Variants in FHAD1 observed in about 807,000 individuals in gnomAD.
The protein encoded by FHAD1 is forkhead-associated domain-containing protein 1.
A neutral mutation model predicts 191.3 loss-of-function variants in FHAD1; 146 were observed. The ratio of observed to expected loss-of-function variants is 0.76; its 90% CI spans 0.67 to 0.88. FHAD1 has a LOEUF of 0.88. FHAD1 is among the 40% of genes least tolerant of loss of function. The pLI is 0.00. For missense variants in FHAD1, 1,635 were observed against 1,785.8 expected (o/e 0.92, Z 1.52); for synonymous variants, 616 against 672.3 (o/e 0.92, Z 1.29).
intron 8 of FHAD1, among the ~76,000 whole-genome samples, chr1:15,314,287 A>C (rs1293088560): frequency 6.6e-6 from 1 of 152,110 alleles, no homozygotes; most frequent in Non-Finnish European, 1.5e-5. Flanking sequence ...TGGGGGTCCA[A>C]GGATGAAGCA....
In FHAD1 at chr1:15,324,439, A is replaced by C; in HGVS notation, c.1366-13A>C. On this transcript the variant is annotated splice_polypyrimidine_tract_variant and intron_variant, in intron 10 of 33. Transcript: ENST00000688493. ...ACATTAGCAGCAAGTACTCGCTTTC[A>C]TCGTCATTTCAGGTTGAAGAGAAGC... 2 of 1,541,436 alleles carry C rather than the reference A, an allele frequency of 1.3e-6. No individual in the cohort carries two copies.
chr1:15,285,102 C>G (rs1413952679), intron 3 of FHAD1, among the ~76,000 whole-genome samples: 1 of 152,174 alleles, frequency 6.6e-6, no homozygotes, highest in Admixed American at 6.5e-5. Context: ...GTTTATCCTC[C>G]TCACTGTTTC....
chr1:15,281,769 A>AAAAG (rs1660698787), intron 3 of FHAD1, among the ~76,000 whole-genome samples: 1 of 149,034 alleles, frequency 6.7e-6, no homozygotes, highest in East Asian at 1.9e-4. Flanking sequence ...TCAAAAAAAA[A>AAAAG]AAAAAAAAAA....
chr1:15,293,992 G>T (rs1434431509), intron 4 of FHAD1, among the ~76,000 whole-genome samples: 2 of 152,146 alleles, frequency 1.3e-5, no homozygotes, highest in Non-Finnish European at 2.9e-5. Context: ...TCCCACCGGG[G>T]TGTCATCTGG....
At chr1:15,263,403 CTA>C (rs1651941424) in intron 2 of FHAD1, among the ~76,000 whole-genome samples, 2 of 139,932 alleles carry the variant, frequency 1.4e-5, no homozygotes, top group Non-Finnish European at 3.1e-5. Context: ...AGCTTTTCTT[CTA>C]TGTTTTCTTT....
At chr1:15,332,592 G>C (rs1203786481) in intron 14 of FHAD1, among the ~76,000 whole-genome samples, 6 of 152,124 alleles carry the variant, frequency 3.9e-5, no homozygotes, top group Non-Finnish European at 7.4e-5. Flanking sequence ...GGTGGCACAG[G>C]CCTGTAGTCC....
At chr1:15,380,033 G>A (rs12568778) in intron 28 of FHAD1, among the ~76,000 whole-genome samples, 15,553 of 152,250 alleles carry the variant, frequency 0.1, 1,014 homozygotes, top group South Asian at 0.22. Flanking sequence ...GGAAGTGAGC[G>A]TCCAGTTTCC....
chr1:15,353,104 T>A, intron 20 of FHAD1, 120 bp downstream of exon 20: 1 of 683,052 alleles, frequency 1.5e-6, no homozygotes. Flanking sequence ...GACTTCAGGC[T>A]AGTACCTTAC....
At chr1:15,393,128 G>A (rs887508327) in intron 33 of FHAD1, 5 of 146,704 alleles carry the variant, frequency 3.4e-5, no homozygotes, top group African/African-American at 1.3e-4. Context: ...AGGCTAGAGT[G>A]CAGTGGTGCA....
chr1:15,374,864 G>GT (rs1553314216), intron 27 of FHAD1, among the ~76,000 whole-genome samples: 166 of 72,962 alleles, frequency 2.3e-3, no homozygotes, highest in East Asian at 5.4e-3. Context: ...TTTTTTGTTT[G>GT]TTTTTTTTTT....
At chr1:15,376,364 A>G (rs1268773474) in intron 28 of FHAD1, among the ~76,000 whole-genome samples, 3 of 152,224 alleles carry the variant, frequency 2.0e-5, no homozygotes, top group Non-Finnish European at 4.4e-5. Flanking sequence ...TGCTGGGATG[A>G]CAGGCGTGAG....
rs565425687 is a variant in FHAD1 at position 15,251,218 on chromosome 1, T to C, written c.-14-553T>C. Among the ~76,000 whole-genome samples, 427 of 150,760 alleles carry C rather than the reference T, an allele frequency of 2.8e-3. 4 individuals are homozygous for C. The highest frequency in any genetic ancestry group is 0.01 in the African/African-American group (413 of 41,000). On this transcript the variant is annotated intron_variant, in intron 1 of 33. Coordinates refer to ENST00000688493, the MANE Select transcript of FHAD1 (RefSeq NM_001391957.1). ...TGAGCCCAGGAGATCGAGACCTCAG[T>C]GAGCCAAGATTGCTCACTGCCCTGC...
At chr1:15,388,187 G>T (rs1472489165) in intron 32 of FHAD1, 56 bp downstream of exon 32, 2 of 1,133,548 alleles carry the variant, frequency 1.8e-6, no homozygotes, top group African/African-American at 1.6e-5. Context: ...TCAACTGGGG[G>T]TAAGAGCTCA....
In FHAD1 at chr1:15,360,463, C is replaced by G; in HGVS notation, c.2737-15C>G. On this transcript the variant is annotated splice_polypyrimidine_tract_variant and intron_variant, in intron 21 of 33. Coordinates refer to ENST00000688493, the MANE Select transcript of FHAD1 (RefSeq NM_001391957.1). ...CAGCTCCCAAGACCTCACTGAGTGACTCTCTGTTTCCCAGATCATGGTGGA... is the reference window on the plus strand; with the variant it reads ...CAGCTCCCAAGACCTCACTGAGTGAGTCTCTGTTTCCCAGATCATGGTGGA... The G allele has an allele frequency of 6.5e-7, 1 of 1,548,864 alleles. No homozygotes were observed. Among genetic ancestry groups the G allele is most frequent in the African/African-American group, 1.4e-5 (1 of 73,094 alleles).
chr1:15,265,780 T>C (rs879277276), intron 2 of FHAD1, among the ~76,000 whole-genome samples: 3 of 152,036 alleles, frequency 2.0e-5, no homozygotes, highest in African/African-American at 4.8e-5. Flanking sequence ...GAGACCAGCC[T>C]GGCTAACATG....
In FHAD1 at chr1:15,289,262, A is replaced by G. The variant is rs1316995390; in HGVS notation, c.301-137A>G. 2 of 1,226,994 alleles carry G rather than the reference A, an allele frequency of 1.6e-6. No homozygotes were observed. The highest frequency in any genetic ancestry group is 2.2e-6 in the Non-Finnish European group (2 of 903,618). The allele number at this position is 1,226,994 out of a possible 1,614,324, so 76.0% of individuals were successfully genotyped here. A position where few individuals can be genotyped will look rare whatever the true frequency, so the allele number is the denominator to read the frequency against. On this transcript the variant is annotated intron_variant, in intron 3 of 33. Coordinates refer to ENST00000688493, the MANE Select transcript of FHAD1 (RefSeq NM_001391957.1). The surrounding 1 kb of genome is among the most constrained non-coding windows in gnomAD (Gnocchi z 4.2). The stretch of plus-strand genomic sequence containing the variant: ...TTTGGCCTCCCAAAGTGTTGGGATT[A>G]TAGCTGTGTGCCACCCTGCCCGACC...
At chr1:15,243,775 A>G (rs1333321494), upstream of FHAD1, among the ~76,000 whole-genome samples, 1 of 152,234 alleles carries the variant, frequency 6.6e-6, no homozygotes, top group East Asian at 1.9e-4. Flanking sequence ...GACAGACAAG[A>G]GTGCAGGCTG....
chr1:15,296,770 G>A lies in FHAD1; in HGVS notation c.655G>A (p.Glu219Lys), dbSNP rs1337856098. The change falls in exon 5 of 34, where the codon GAG becomes AAG. Residue 219 changes from glutamate (E) to lysine (K), a missense_variant. Glu to Lys is a moderately conservative substitution (Grantham distance 56). Transcript: ENST00000688493. ...AVPPAEIYVE[E>K]DLAQQDKDEI... Reference sequence around the variant, plus strand: ...TCCCCCTGCGGAGATTTATGTGGAGGAGGACTTGGCCCAGCAGGACAAGGT... The same window carrying A: ...TCCCCCTGCGGAGATTTATGTGGAGAAGGACTTGGCCCAGCAGGACAAGGT... 3 of 1,551,652 alleles carry A rather than the reference G, an allele frequency of 1.9e-6. No individual in the cohort carries two copies. The highest frequency in any genetic ancestry group is 2.6e-6 in the Non-Finnish European group (3 of 1,147,000).
intron 14 of FHAD1, among the ~76,000 whole-genome samples, chr1:15,338,482 G>T (rs1443463625): frequency 6.6e-6 from 1 of 152,086 alleles, no homozygotes; most frequent in Non-Finnish European, 1.5e-5. Flanking sequence ...ATGACATTGG[G>T]TCCACCCAGA....
Sources: allele counts gnomAD v4.1 joint callset (sites outside exome capture counted in the v4.1 genomes callset), GRCh38; gene constraint gnomAD v4.1.1; non-coding constraint Gnocchi (gnomAD v3.1); transcripts MANE v1.5; gene names NCBI Gene and HGNC (gene_info 2026-07-23, HGNC 2026-07-21).